The following AKR1A1 variants were observed in gnomAD, a reference collection of about 807,000 sequenced individuals.
AKR1A1 encodes HEL-S-165mP.
AKR1A1 carries 26 observed loss-of-function variants against 39.2 expected under a neutral mutation model. That is an observed-to-expected ratio of 0.66 (90% confidence interval 0.49 to 0.92). The LOEUF (loss-of-function observed/expected upper bound fraction) is 0.92. AKR1A1 is among the 40% of genes least tolerant of loss of function. The pLI is 0.00. For synonymous variants in AKR1A1, 141 were observed against 155.5 expected (o/e 0.91, Z 0.69); for missense variants, 378 against 406.5 (o/e 0.93, Z 0.60).
chr1:45,566,831 A>G lies in AKR1A1; in HGVS notation c.205-38A>G, dbSNP rs776762666. The G allele has an allele frequency of 2.5e-6, 4 of 1,606,538 alleles. No homozygotes were observed. In the African/African-American group the frequency reaches 4.0e-5, roughly 16 times the overall value. ...TGAGGGTGGGTGAGACCACGTGCTC[A>G]TGGCTCTTCTCACTGTGGGCCCTGC... On this transcript the variant is annotated intron_variant, in intron 3 of 8. Coordinates refer to ENST00000351829, the MANE Select transcript of AKR1A1 (RefSeq NM_153326.3).
rs202106076 is a variant in AKR1A1, at chr1:45,568,076, G to A, written c.451G>A (p.Val151Met). 182 of 1,614,068 alleles carry A rather than the reference G, an allele frequency of 1.1e-4. 1 individual carries two copies. The Middle Eastern group carries it at 3.1e-3, about 28-fold the overall frequency. The change falls in exon 5 of 9, where the codon GTG (valine) becomes ATG (methionine). Residue 151 changes from valine to methionine, a missense_variant. By Grantham distance (21) the Val-to-Met change is conservative. Transcript: ENST00000351829. ...GACTTGGAAGGCTCTGGAGGCACTGGTGGCTAAGGGGCTGGTGCAGGCGCT... is the reference window on the plus strand; with the variant it reads ...GACTTGGAAGGCTCTGGAGGCACTGATGGCTAAGGGGCTGGTGCAGGCGCT... ...KETWKALEAL[V>M]AKGLVQALGL...
At chr1:45,561,199 C>T (rs1644272850) in intron 1 of AKR1A1, among the ~76,000 whole-genome samples, 1 of 152,108 alleles carries the variant, frequency 6.6e-6, no homozygotes, top group South Asian at 2.1e-4. Context: ...GTGTGGCCAC[C>T]CTGCTTTTGT....
rs904547500 is a variant in AKR1A1, at chr1:45,568,345, C to T, written c.553-140C>T. 59 of 1,241,774 alleles carry T rather than the reference C, an allele frequency of 4.8e-5. 1 individual carries two copies. In the South Asian group the frequency reaches 6.5e-4, roughly 14 times the overall value. 76.9% of individuals were successfully genotyped at this position (1,241,774 alleles called of 1,614,324 possible). A position where few individuals can be genotyped will look rare whatever the true frequency, so the allele number is the denominator to read the frequency against. ...AAGCAGTGGGAGAGAATGAAATTGC[C>T]GATGGGAAATGGTGAGAAAAGCAGG... On this transcript the variant is annotated intron_variant, in intron 5 of 8. Coordinates refer to ENST00000351829, the MANE Select transcript of AKR1A1 (RefSeq NM_153326.3).
At position 45,561,845 on chromosome 1, in the gene AKR1A1, T is replaced by C; in HGVS notation, c.51T>C (p.Ile17=). The part of the protein sequence containing the change: ...LLHTGQKMPL[I]GLGTWKSEPG... ...ACACTGGGCAGAAGATGCCTCTGATTGGTCTGGGTACCTGGAAGAGTGAGC... is the reference window on the plus strand; with the variant it reads ...ACACTGGGCAGAAGATGCCTCTGATCGGTCTGGGTACCTGGAAGAGTGAGC... Residue 17 remains isoleucine (I), a synonymous_variant, in exon 2 of 9, where the codon ATT becomes ATC. Coordinates refer to ENST00000351829, the MANE Select transcript of AKR1A1 (RefSeq NM_153326.3). 1 of 1,614,112 alleles carries C rather than the reference T, an allele frequency of 6.2e-7. No homozygotes were observed. Among genetic ancestry groups the C allele is most frequent in the Non-Finnish European group, 8.5e-7 (1 of 1,180,018 alleles).
chr1:45,557,814 G>A lies in AKR1A1; in HGVS notation c.-6-3975G>A, dbSNP rs185200736. ...TGATTTTGTTTTAGCAGAAAAGAGT[G>A]GTTTCCAAAACCAACTTAAACTAGA... On this transcript the variant is annotated intron_variant, in intron 1 of 8. Transcript: ENST00000351829. 1.3e-3 allele frequency among the ~76,000 whole-genome samples: 192 copies of A among 151,992 alleles called. 1 individual carries two copies. Among genetic ancestry groups the A allele is most frequent in the Middle Eastern group, 6.8e-3 (2 of 292 alleles).
intron 2 of AKR1A1, among the ~76,000 whole-genome samples, chr1:45,565,767 G>C (rs143682608): frequency 6.6e-6 from 1 of 151,564 alleles, no homozygotes; most frequent in Non-Finnish European, 1.5e-5. Flanking sequence ...GAGCCACCAC[G>C]CCTGGCCTTA....
rs376571149 is a variant in AKR1A1, at chr1:45,561,885, G to A, written c.84+7G>A. On this transcript the variant is annotated splice_region_variant and intron_variant, in intron 2 of 8. Transcript: ENST00000351829. ...GAAGAGTGAGCCTGGTCAGGTGAGG[G>A]ATGGGGGAAGAAAAAAGAAACTTGT... 23 of 1,613,784 alleles carry A rather than the reference G, an allele frequency of 1.4e-5. No individual in the cohort carries two copies. Among genetic ancestry groups the A allele is most frequent in the Non-Finnish European group, 1.9e-5 (22 of 1,179,866 alleles).
intron 1 of AKR1A1, among the ~76,000 whole-genome samples, chr1:45,557,756 G>T (rs991096084): frequency 6.6e-6 from 1 of 152,130 alleles, no homozygotes; most frequent in Non-Finnish European, 1.5e-5. Context: ...CATTGCCCTG[G>T]TAGCTTGTGG....
intron 1 of AKR1A1, among the ~76,000 whole-genome samples, chr1:45,553,255 C>G (rs1644156755): frequency 6.7e-6 from 1 of 149,040 alleles, no homozygotes; most frequent in Admixed American, 6.7e-5. Flanking sequence ...AACCCCGTCT[C>G]TACTAAAAAT....
At chr1:45,560,360 C>T (rs1170902006) in intron 1 of AKR1A1, among the ~76,000 whole-genome samples, 1 of 152,170 alleles carries the variant, frequency 6.6e-6, no homozygotes, top group Non-Finnish European at 1.5e-5. Context: ...TACCTGTAAT[C>T]CCAGCAACTC....
At chr1:45,568,378 G>A (rs1444992762) in intron 5 of AKR1A1, 107 bp from the exon 6 acceptor site, 25 of 1,318,204 alleles carry the variant, frequency 1.9e-5, no homozygotes, top group Non-Finnish European at 2.7e-5. Flanking sequence ...AGGCTGAAGG[G>A]GAGTGGAGGA....
intron 1 of AKR1A1, among the ~76,000 whole-genome samples, chr1:45,552,085 AG>A (rs1421092503): frequency 6.6e-6 from 1 of 152,082 alleles, no homozygotes; most frequent in Non-Finnish European, 1.5e-5. Flanking sequence ...AGGAGTAGCC[AG>A]GTTTGTGGGG....
chr1:45,552,833 A>G (rs2148287619), intron 1 of AKR1A1, among the ~76,000 whole-genome samples: 1 of 152,282 alleles, frequency 6.6e-6, no homozygotes, highest in Admixed American at 6.5e-5. Context: ...TTAAGTAAAG[A>G]GTGATGGTCA....
At position 45,568,690 on chromosome 1, in the gene AKR1A1, G is replaced by A. The variant is rs1480516886; in HGVS notation, c.752+6G>A. 1.2e-6 allele frequency: 2 copies of A among 1,613,136 alleles called. No individual in the cohort carries two copies. Among genetic ancestry groups the A allele is most frequent in the Non-Finnish European group, 1.7e-6 (2 of 1,179,868 alleles). ...CCAGCTCAGATCTTGCTCAGGTATG[G>A]GGCAGTCTTAGGGAGAGGGCCCTGG... On this transcript the variant is annotated splice_donor_region_variant and intron_variant, in intron 6 of 8. Coordinates refer to ENST00000351829, the MANE Select transcript of AKR1A1 (RefSeq NM_153326.3).
At chr1:45,567,191 C>T in intron 4 of AKR1A1, 171 bp downstream of exon 4, 1 of 898,422 alleles carries the variant, frequency 1.1e-6, no homozygotes, top group Non-Finnish European at 1.6e-6. Flanking sequence ...TTAGCTGTAG[C>T]TACAGGAGTT....
intron 1 of AKR1A1, among the ~76,000 whole-genome samples, chr1:45,558,463 A>G (rs1301669451): frequency 1.3e-5 from 2 of 148,332 alleles, no homozygotes; most frequent in Admixed American, 1.4e-4. Flanking sequence ...CAGTGGCTCA[A>G]TCTCGGCTCA....
intron 1 of AKR1A1, among the ~76,000 whole-genome samples, chr1:45,561,369 C>G (rs143156489): frequency 6.6e-6 from 1 of 151,868 alleles, no homozygotes; most frequent in Non-Finnish European, 1.5e-5. Context: ...TATATAACCA[C>G]GTGTTTGTCC....
At chr1:45,568,275 G>T in intron 5 of AKR1A1, 98 bp downstream of exon 5, 1 of 1,413,844 alleles carries the variant, frequency 7.1e-7, no homozygotes, top group Non-Finnish European at 9.6e-7. Context: ...CTAGCAAGTT[G>T]TCAGAGTGTT....
At chr1:45,564,533 CACTTATCTGCCTCCAGCTTTCAGCCT>C (rs1323039279) in intron 2 of AKR1A1, among the ~76,000 whole-genome samples, 1 of 151,992 alleles carries the variant, frequency 6.6e-6, no homozygotes, top group East Asian at 1.9e-4. Flanking sequence ...GCTTTTAGCC[CACTTATCTGCCTCCAGCTTTCAGCCT>C]ACTTATCTGC....
Sources: allele counts gnomAD v4.1 joint callset (sites outside exome capture counted in the v4.1 genomes callset), GRCh38; gene constraint gnomAD v4.1.1; transcripts MANE v1.5; gene names NCBI Gene and HGNC (gene_info 2026-07-23, HGNC 2026-07-21).